BICC1: variants seen among roughly 807,000 people sequenced by gnomAD.
BICC1 encodes BicC family RNA binding protein 1.
A neutral mutation model predicts 111.0 loss-of-function variants in BICC1; 43 were observed. The ratio of observed to expected loss-of-function variants is 0.39; its 90% CI spans 0.30 to 0.50. The LOEUF is 0.50. Among genes scored for constraint, BICC1 ranks in the 20% least tolerant of loss-of-function variants. The pLI is 0.88. For synonymous variants in BICC1, 467 were observed against 434.4 expected (o/e 1.07, Z -0.93); for missense variants, 1,091 against 1,203.2 (o/e 0.91, Z 1.38).
At chr10:58,671,968 G>A (rs1839197796) in intron 2 of BICC1, among the ~76,000 whole-genome samples, 1 of 152,020 alleles carries the variant, frequency 6.6e-6, no homozygotes, top group Admixed American at 6.6e-5. Flanking sequence ...CTATGACTTT[G>A]TTGTTGTCTA....
intron 1 of BICC1, among the ~76,000 whole-genome samples, chr10:58,541,869 G>A (rs558520028): frequency 3.9e-4 from 59 of 151,714 alleles, no homozygotes; most frequent in African/African-American, 1.4e-3. Context: ...AGACATATAA[G>A]CCCAGTGTGG....
chr10:58,692,183 A>C (rs191130079), intron 2 of BICC1, among the ~76,000 whole-genome samples: 1 of 152,178 alleles, frequency 6.6e-6, no homozygotes, highest in Non-Finnish European at 1.5e-5. Context: ...AGAAAGAGAG[A>C]GAGAGAGAGA....
chr10:58,675,632 G>T (rs1419386261), intron 2 of BICC1, among the ~76,000 whole-genome samples: 1 of 152,154 alleles, frequency 6.6e-6, no homozygotes, highest in Non-Finnish European at 1.5e-5. Flanking sequence ...GGTGAAATTT[G>T]GGTCAAAGGG....
intron 1 of BICC1, 76 bp downstream of exon 1, chr10:58,513,409 G>A (rs554454704): frequency 1.5e-6 from 2 of 1,357,798 alleles, no homozygotes; most frequent in Admixed American, 2.7e-5. Context: ...CGCGCGCTCC[G>A]GCGCCCGCTA....
At chr10:58,611,963 A>G (rs1049819164) in intron 1 of BICC1, among the ~76,000 whole-genome samples, 1 of 152,188 alleles carries the variant, frequency 6.6e-6, no homozygotes, top group Non-Finnish European at 1.5e-5. Flanking sequence ...GTCTATTCTT[A>G]ATTTTTCTCA....
rs1341657591 is a variant in BICC1 at position 58,698,214 on chromosome 10, G to A, written c.238-3860G>A. Among the ~76,000 whole-genome samples the A allele has an allele frequency of 6.6e-5, 10 of 152,252 alleles. No homozygotes were observed. The East Asian group carries it at 1.9e-3, about 29-fold the overall frequency. On this transcript the variant is annotated intron_variant, in intron 2 of 20. Coordinates refer to ENST00000373886, the MANE Select transcript of BICC1 (RefSeq NM_001080512.3). ...GCTTCTCTTTCTGTCATGAATTCAA[G>A]TCAGTTTGAAGGGTATTAGTGTGCA...
Position 58,522,346 on chromosome 10 carries a change from A to C in BICC1, c.190+9013A>C, listed in dbSNP as rs541507860. On this transcript the variant is annotated intron_variant, in intron 1 of 20. Coordinates refer to ENST00000373886, the MANE Select transcript of BICC1 (RefSeq NM_001080512.3). ...CAAATGTAAAAGAACAGAAATTATA[A>C]CAAACTGTCTCTCAGACCACAGTGC... Among the ~76,000 whole-genome samples the C allele has an allele frequency of 2.6e-5, 4 of 152,146 alleles. No homozygotes were observed. The East Asian group carries it at 7.7e-4, about 29-fold the overall frequency.
chr10:58,751,013 A>G (rs1233050816), intron 3 of BICC1, among the ~76,000 whole-genome samples: 1 of 152,166 alleles, frequency 6.6e-6, no homozygotes, highest in African/African-American at 2.4e-5. Context: ...ATGAAACGGA[A>G]GAACAGCCCT....
At chr10:58,635,553 A>G (rs530944801) in intron 2 of BICC1, among the ~76,000 whole-genome samples, 1 of 152,348 alleles carries the variant, frequency 6.6e-6, no homozygotes, top group East Asian at 1.9e-4. Context: ...AATTATTCCA[A>G]GGTACACAAT....
chr10:58,783,441 T>C (rs1243044530), intron 3 of BICC1, among the ~76,000 whole-genome samples: 1 of 152,100 alleles, frequency 6.6e-6, no homozygotes, highest in Non-Finnish European at 1.5e-5. Flanking sequence ...GAATATGATA[T>C]GCTCTCTGTG....
At position 58,698,552 on chromosome 10, in the gene BICC1, A is replaced by G. The variant is rs574478757; in HGVS notation, c.238-3522A>G. Reference sequence around the variant, plus strand: ...GTACATGCTCATATTGCACTGCCCCATTCTGAAACATGGCACACAGTACCA... The same window carrying G: ...GTACATGCTCATATTGCACTGCCCCGTTCTGAAACATGGCACACAGTACCA... On this transcript the variant is annotated intron_variant, in intron 2 of 20. Transcript: ENST00000373886. 3.9e-5 allele frequency among the ~76,000 whole-genome samples: 6 copies of G among 152,206 alleles called. No homozygotes were observed. The South Asian group carries it at 1.0e-3, about 26-fold the overall frequency.
intron 10 of BICC1, 144 bp from the exon 11 acceptor site, chr10:58,798,255 T>A (rs1350402974): frequency 2.3e-5 from 15 of 650,620 alleles, no homozygotes; most frequent in Non-Finnish European, 3.1e-5. Flanking sequence ...ATGTGAGTAT[T>A]TGAAAGAAAA....
At chr10:58,797,454 C>T (rs540785796) in intron 10 of BICC1, among the ~76,000 whole-genome samples, 1 of 152,250 alleles carries the variant, frequency 6.6e-6, no homozygotes, top group East Asian at 1.9e-4. Context: ...CCTGCCTAGA[C>T]ATCATTAAAG....
At chr10:58,699,557 T>C (rs1197134636) in intron 2 of BICC1, among the ~76,000 whole-genome samples, 1 of 152,244 alleles carries the variant, frequency 6.6e-6, no homozygotes, top group Non-Finnish European at 1.5e-5. Context: ...TATTACAGTA[T>C]CATAATATGG....
chr10:58,647,805 C>T (rs986941816), intron 2 of BICC1, among the ~76,000 whole-genome samples: 15 of 151,984 alleles, frequency 9.9e-5, no homozygotes, highest in African/African-American at 2.9e-4. Flanking sequence ...TGTATAATCA[C>T]GTAAAGGAAG....
intron 3 of BICC1, among the ~76,000 whole-genome samples, chr10:58,724,721 C>A (rs116493839): frequency 0.013 from 1,968 of 152,296 alleles, 37 homozygotes; most frequent in African/African-American, 0.046. Context: ...TTGGTGACTT[C>A]AAGATGGGGA....
intron 20 of BICC1, among the ~76,000 whole-genome samples, chr10:58,827,978 A>G (rs1473890130): frequency 6.6e-6 from 1 of 152,134 alleles, no homozygotes; most frequent in Non-Finnish European, 1.5e-5. Flanking sequence ...ATAAGTAAAT[A>G]TATTTTCTCT....
intron 3 of BICC1, among the ~76,000 whole-genome samples, chr10:58,718,202 G>GACTGGGAAGTGCAAGATCAAGGT (rs1840809025): frequency 6.6e-6 from 1 of 152,170 alleles, no homozygotes; most frequent in Non-Finnish European, 1.5e-5. Flanking sequence ...CAGTTCTGGA[G>GACTGGGAAGTGCAAGATCAAGGT]ACTGGGAAGT....
intron 1 of BICC1, among the ~76,000 whole-genome samples, chr10:58,563,388 C>T (rs988983508): frequency 1.3e-5 from 2 of 152,106 alleles, no homozygotes; most frequent in Admixed American, 6.5e-5. Context: ...GTGGGGCTTT[C>T]CTATAGCAAG....
Sources: gnomAD v4.1 joint callset for allele counts (sites outside exome capture counted in the v4.1 genomes callset) on GRCh38, gnomAD v4.1.1 for gene constraint, MANE v1.5 for transcripts, NCBI Gene and HGNC (gene_info 2026-07-23, HGNC 2026-07-21) for gene names.